EFCAB6: variants seen among roughly 807,000 people sequenced by gnomAD.
EFCAB6 encodes the protein EF-hand calcium binding domain 6, also known as EF-hand calcium-binding domain-containing protein 6.
In EFCAB6, 156 loss-of-function variants were observed where a neutral mutation model predicts 169.8. The observed-to-expected ratio is 0.92, with a 90% CI of 0.81 to 1.05. EFCAB6 has a LOEUF of 1.05. EFCAB6 is among the 50% of genes least tolerant of loss of function. EFCAB6 has a pLI of 0.00. For synonymous variants in EFCAB6, 698 were observed against 676.4 expected (o/e 1.03, Z -0.50); for missense variants, 1,800 against 1,829.1 (o/e 0.98, Z 0.29).
At chr22:43,660,294 C>T (rs1253225566) in intron 17 of EFCAB6, among the ~76,000 whole-genome samples, 1 of 152,076 alleles carries the variant, frequency 6.6e-6, no homozygotes, top group African/African-American at 2.4e-5. Flanking sequence ...AAATCATTTC[C>T]CCTGGTGTCA....
chr22:43,590,739 G>A (rs949047941), intron 23 of EFCAB6, among the ~76,000 whole-genome samples: 1 of 143,736 alleles, frequency 7.0e-6, no homozygotes, highest in African/African-American at 2.7e-5. Flanking sequence ...TAGGTTTGAA[G>A]GCCAAAAAAA....
At chr22:43,643,833 T>C (rs1189854923) in intron 17 of EFCAB6, among the ~76,000 whole-genome samples, 1 of 152,070 alleles carries the variant, frequency 6.6e-6, no homozygotes, top group Non-Finnish European at 1.5e-5. Context: ...TTGTTCTTTT[T>C]TTTTTTTTGA....
At chr22:43,657,027 C>G (rs2056781300) in intron 17 of EFCAB6, among the ~76,000 whole-genome samples, 1 of 152,176 alleles carries the variant, frequency 6.6e-6, no homozygotes, top group Non-Finnish European at 1.5e-5. Context: ...TGGTGGCTCA[C>G]ACCTATAATC....
chr22:43,669,368 G>C (rs1361510329), intron 15 of EFCAB6, among the ~76,000 whole-genome samples: 1 of 152,172 alleles, frequency 6.6e-6, no homozygotes, highest in Non-Finnish European at 1.5e-5. Context: ...CCATTCAATG[G>C]AATACTACTC....
At chr22:43,732,277 G>A (rs1378546883) in intron 7 of EFCAB6, among the ~76,000 whole-genome samples, 1 of 152,060 alleles carries the variant, frequency 6.6e-6, no homozygotes, top group African/African-American at 2.4e-5. Flanking sequence ...AGCCAGCAGA[G>A]ATGATCTCGA....
chr22:43,795,577 T>G lies in EFCAB6; in HGVS notation c.-7-13252A>C, dbSNP rs1393486465. On this transcript the variant is annotated intron_variant, in intron 2 of 31. Transcript: ENST00000262726. This position sits in a 1 kb window ranked among gnomAD's most constrained non-coding sequence, Gnocchi z 4.2. Reference sequence around the variant, plus strand: ...TCTGGAGAGGCTTCTCTGACCACCCTGCATCTTCCTTGCAGAGTCTCTCAC... The same window carrying G: ...TCTGGAGAGGCTTCTCTGACCACCCGGCATCTTCCTTGCAGAGTCTCTCAC... Among the ~76,000 whole-genome samples, 5 of 135,222 alleles carry G rather than the reference T, an allele frequency of 3.7e-5. No homozygotes were observed. Among genetic ancestry groups the G allele is most frequent in the Non-Finnish European group, 7.9e-5 (5 of 63,352 alleles). The allele number at this position is 135,222 out of a possible 152,430, so 88.7% of individuals were successfully genotyped here. A position where few individuals can be genotyped will look rare whatever the true frequency, so the allele number is the denominator to read the frequency against.
chr22:43,629,356 C>G (rs2054757887), intron 19 of EFCAB6, among the ~76,000 whole-genome samples: 1 of 152,078 alleles, frequency 6.6e-6, no homozygotes, highest in Non-Finnish European at 1.5e-5. Context: ...TCACTTTTTC[C>G]CCGTCTCTGA....
intron 26 of EFCAB6, among the ~76,000 whole-genome samples, chr22:43,571,488 T>C (rs150818186): frequency 1.2e-3 from 186 of 152,298 alleles, no homozygotes; most frequent in African/African-American, 4.2e-3. Context: ...CTATTATTCA[T>C]TACTTCTTTT....
intron 27 of EFCAB6, chr22:43,553,046 G>T (rs774123031): frequency 1.3e-5 from 2 of 152,194 alleles, no homozygotes; most frequent in Non-Finnish European, 2.9e-5. Flanking sequence ...TGTTAAACCT[G>T]ATAGTCACAT....
At chr22:43,529,777 C>T (rs960342953) in intron 31 of EFCAB6, among the ~76,000 whole-genome samples, 3 of 152,158 alleles carry the variant, frequency 2.0e-5, no homozygotes, top group Non-Finnish European at 4.4e-5. Flanking sequence ...GTCCAGCCAC[C>T]ACACCAGCTC....
chr22:43,611,352 C>A (rs946162957), intron 21 of EFCAB6, among the ~76,000 whole-genome samples: 1 of 152,164 alleles, frequency 6.6e-6, no homozygotes, highest in African/African-American at 2.4e-5. Context: ...TCAGTGATGA[C>A]ACAAACAAAT....
intron 13 of EFCAB6, among the ~76,000 whole-genome samples, chr22:43,674,428 G>A (rs767347414): frequency 2.6e-5 from 4 of 152,180 alleles, no homozygotes; most frequent in Non-Finnish European, 2.9e-5. Flanking sequence ...GGGTCCCTGC[G>A]CAGGCTCCGG....
chr22:43,606,527 G>C (rs2052929021), intron 22 of EFCAB6, among the ~76,000 whole-genome samples: 1 of 152,206 alleles, frequency 6.6e-6, no homozygotes, highest in South Asian at 2.1e-4. Flanking sequence ...AGTGGCCCTG[G>C]GTGACAGGGA....
At chr22:43,764,080 TAAG>T (rs149720885) in intron 5 of EFCAB6, among the ~76,000 whole-genome samples, 12,317 of 152,160 alleles carry the variant, frequency 0.081, 647 homozygotes, top group South Asian at 0.2. Flanking sequence ...TATTTTAGAT[TAAG>T]GAGTTACATG....
chr22:43,687,967 C>T (rs73887382), intron 10 of EFCAB6, among the ~76,000 whole-genome samples: 67 of 152,344 alleles, frequency 4.4e-4, no homozygotes, highest in African/African-American at 1.4e-3. Context: ...TCTGTGACTA[C>T]GTTCTTGCCC....
intron 6 of EFCAB6, among the ~76,000 whole-genome samples, chr22:43,738,356 A>C (rs1236083902): frequency 2.1e-5 from 3 of 145,870 alleles, no homozygotes; most frequent in Admixed American, 7.0e-5. Flanking sequence ...ACTCATTCAC[A>C]CCATCAATCA....
intron 6 of EFCAB6, among the ~76,000 whole-genome samples, chr22:43,751,517 G>C (rs1033876281): frequency 6.6e-6 from 1 of 152,224 alleles, no homozygotes; most frequent in Non-Finnish European, 1.5e-5. Flanking sequence ...GGTCTCGGGC[G>C]CTGCCACCAC....
intron 10 of EFCAB6, among the ~76,000 whole-genome samples, chr22:43,709,233 C>T (rs781431535): frequency 5.4e-4 from 82 of 152,128 alleles, no homozygotes; most frequent in Non-Finnish European, 9.6e-4. Flanking sequence ...AGGCGCCCAC[C>T]ACCATGCCCG....
chr22:43,626,571 C>T lies in EFCAB6; in HGVS notation c.2341G>A (p.Glu781Lys), dbSNP rs146118090. 5.6e-6 allele frequency: 9 copies of T among 1,614,054 alleles called. No individual in the cohort carries two copies. The highest frequency in any genetic ancestry group is 4.4e-5 in the South Asian group (4 of 91,086). Residue 781 changes from glutamate to lysine, a missense_variant, in exon 20 of 32, where the codon GAG becomes AAG. By Grantham distance (56) the Glu-to-Lys change is moderately conservative. Transcript: ENST00000262726. ...LHLLLNLKDDEFERFLGLLGL... is the reference protein window; with the variant it reads ...LHLLLNLKDDKFERFLGLLGL... The stretch of plus-strand genomic sequence containing the variant: ...AGAAGGCCAAGGAAGCGCTCAAACT[C>T]GTCGTCTTTGAGATTAAGCAGTAGA...
Sources: allele counts gnomAD v4.1 joint callset (sites outside exome capture counted in the v4.1 genomes callset), GRCh38; gene constraint gnomAD v4.1.1; non-coding constraint Gnocchi (gnomAD v3.1); transcripts MANE v1.5; gene names NCBI Gene and HGNC (gene_info 2026-07-23, HGNC 2026-07-21).